The following PCDHA1 variants were observed in gnomAD, a reference collection of about 807,000 sequenced individuals.
PCDHA1 encodes the protein protocadherin alpha 1.
Under a neutral mutation model 61.3 loss-of-function variants are expected in PCDHA1, and 42 were observed. That is an observed-to-expected ratio of 0.69 (90% CI 0.54 to 0.89). PCDHA1 has a LOEUF of 0.89. PCDHA1 is among the 40% of genes least tolerant of loss of function. PCDHA1 has a pLI of 0.00. For missense variants in PCDHA1, 1,256 were observed against 1,235.3 expected, an observed-to-expected ratio of 1.02 and a Z score of -0.25; for synonymous variants, 610 against 553.8, an observed-to-expected ratio of 1.10 and a Z score of -1.43.
chr5:140,931,993 T>C (rs1350907359), intron 1 of PCDHA1, among the ~76,000 whole-genome samples: 8 of 152,090 alleles, frequency 5.3e-5, no homozygotes, highest in Admixed American at 3.3e-4. Context: ...GCTCAAATTC[T>C]AAGTTCTTTC....
At chr5:140,870,299 C>T (rs62622798) in intron 1 of PCDHA1, 44,120 of 1,614,102 alleles carry the variant, frequency 0.027, 770 homozygotes, top group Admixed American at 0.064. Flanking sequence ...CTGGTGTCCA[C>T]CTTCAAGAAT....
At chr5:140,829,720 G>A (rs1554132185) in intron 1 of PCDHA1, 5 of 1,613,502 alleles carry the variant, frequency 3.1e-6, no homozygotes, top group African/African-American at 1.3e-5. Context: ...CGGGCGTGCC[G>A]CCTCTGGGCA....
chr5:141,000,413 A>T (rs1563651324), intron 3 of PCDHA1, among the ~76,000 whole-genome samples: 4 of 93,212 alleles, frequency 4.3e-5, no homozygotes, highest in African/African-American at 1.8e-4. Flanking sequence ...ATATATATAT[A>T]TATATATATT....
intron 1 of PCDHA1, among the ~76,000 whole-genome samples, chr5:140,886,844 A>C (rs11748231): frequency 2.0e-5 from 3 of 150,634 alleles, no homozygotes; most frequent in African/African-American, 7.3e-5. Flanking sequence ...AAAAAAAAAA[A>C]AAAGAAAGGT....
chr5:140,828,272 C>T (rs1301296827), intron 1 of PCDHA1: 2 of 1,614,040 alleles, frequency 1.2e-6, no homozygotes, highest in Non-Finnish European at 1.7e-6. Context: ...GGAGCTGGTG[C>T]CGCGCCTGTT....
At chr5:140,817,315 G>C (rs1016861865) in intron 1 of PCDHA1, 2 of 152,230 alleles carry the variant, frequency 1.3e-5, no homozygotes, top group African/African-American at 4.8e-5. Flanking sequence ...CCCCAGAAAA[G>C]TGCCCAGCTA....
chr5:140,831,815 T>C (rs1475150566), intron 1 of PCDHA1, among the ~76,000 whole-genome samples: 1 of 152,196 alleles, frequency 6.6e-6, no homozygotes, highest in Admixed American at 6.6e-5. Flanking sequence ...AAAGTTGGAA[T>C]GATAAACACT....
intron 1 of PCDHA1, chr5:140,848,367 G>T: frequency 9.1e-7 from 1 of 1,100,452 alleles, no homozygotes; most frequent in Non-Finnish European, 1.3e-6. Context: ...TGGGAAAGAG[G>T]CTCAATTCTT....
intron 1 of PCDHA1, among the ~76,000 whole-genome samples, chr5:140,895,783 A>G (rs750912902): frequency 2.1e-4 from 32 of 152,122 alleles, no homozygotes; most frequent in Non-Finnish European, 3.8e-4. Context: ...ATAGTATTCA[A>G]TGACGTATAT....
chr5:140,829,809 C>T lies in PCDHA1; in HGVS notation c.2394+41125C>T, dbSNP rs139323547. The stretch of plus-strand genomic sequence containing the variant: ...CTGCTGGCGCCTCGGGTGGGTGGTA[C>T]TGGTGGTGCAGTGAGCGAGCTGGTG... On this transcript the variant is annotated intron_variant, in intron 1 of 3. Coordinates refer to ENST00000504120, the MANE Select transcript of PCDHA1 (RefSeq NM_018900.4). The T allele has an allele frequency of 1.0e-3, 1,632 of 1,613,854 alleles. 19 individuals are homozygous for T. The African/African-American group carries it at 0.019, about 19-fold the overall frequency.
intron 1 of PCDHA1, among the ~76,000 whole-genome samples, chr5:140,923,034 C>T (rs1252133915): frequency 6.6e-6 from 1 of 152,174 alleles, no homozygotes; most frequent in Non-Finnish European, 1.5e-5. Context: ...TCTATTACTA[C>T]ATGTATAGTA....
At chr5:140,825,773 T>C (rs1395889214) in intron 1 of PCDHA1, 2 of 152,486 alleles carry the variant, frequency 1.3e-5, no homozygotes, top group African/African-American at 2.4e-5. Flanking sequence ...GTTGTGCAAA[T>C]TCTACTATAT....
intron 1 of PCDHA1, among the ~76,000 whole-genome samples, chr5:140,974,319 G>A (rs781949857): frequency 1.8e-4 from 27 of 152,198 alleles, no homozygotes; most frequent in Non-Finnish European, 3.5e-4. Flanking sequence ...TGAGAGAGTA[G>A]CTGCTGTGCT....
At chr5:140,963,303 G>A (rs2153735006) in intron 1 of PCDHA1, among the ~76,000 whole-genome samples, 1 of 152,286 alleles carries the variant, frequency 6.6e-6, no homozygotes, top group South Asian at 2.1e-4. Flanking sequence ...GAGAAAATAA[G>A]AAGCTGTTTG....
At chr5:140,870,122 T>G in intron 1 of PCDHA1, 1 of 1,613,956 alleles carries the variant, frequency 6.2e-7, no homozygotes. Flanking sequence ...GTGGAAATCT[T>G]GGACACCAAC....
intron 1 of PCDHA1, chr5:140,796,468 C>A (rs551711072): frequency 1.2e-6 from 2 of 1,612,044 alleles, no homozygotes; most frequent in African/African-American, 1.3e-5. Flanking sequence ...GGTGGGCGAG[C>A]GCGCGTTGTC....
chr5:140,869,936 C>T (rs1554163630), intron 1 of PCDHA1: 1 of 1,611,844 alleles, frequency 6.2e-7, no homozygotes, highest in South Asian at 1.1e-5. Flanking sequence ...GGAGAGGTAA[C>T]ATACTCCTTA....
In PCDHA1 at chr5:140,823,824, G is replaced by T. The variant is rs2150129462; in HGVS notation, c.2394+35140G>T. On this transcript the variant is annotated intron_variant, in intron 1 of 3. Coordinates refer to ENST00000504120, the MANE Select transcript of PCDHA1 (RefSeq NM_018900.4). ...CGAAGGCCTCATCGCGGGCGTCGGC[G>T]GGCGCTGTGGGTCCCGAGGCTGCCC... 71 of 1,613,814 alleles carry T rather than the reference G, an allele frequency of 4.4e-5. No individual in the cohort carries two copies. The Admixed American group carries it at 6.3e-4, about 14-fold the overall frequency.
chr5:140,935,144 A>C (rs1289868558), intron 1 of PCDHA1, among the ~76,000 whole-genome samples: 1 of 152,184 alleles, frequency 6.6e-6, no homozygotes, highest in Non-Finnish European at 1.5e-5. Flanking sequence ...TGATACTTAG[A>C]GATATAATCT....
Sources: gnomAD v4.1 joint callset for allele counts (sites outside exome capture counted in the v4.1 genomes callset) on GRCh38, gnomAD v4.1.1 for gene constraint, MANE v1.5 for transcripts, NCBI Gene and HGNC (gene_info 2026-07-23, HGNC 2026-07-21) for gene names.